The following TGIF1 variants were observed in gnomAD, a reference collection of about 807,000 sequenced individuals.
The protein encoded by TGIF1 is TGFB induced factor homeobox 1, also known as homeobox protein TGIF1.
A neutral mutation model predicts 19.3 loss-of-function variants in TGIF1; 4 were observed. That is an observed-to-expected ratio of 0.21 (90% confidence interval 0.10 to 0.47). The LOEUF (loss-of-function observed/expected upper bound fraction) is 0.47. TGIF1 is among the 20% of genes least tolerant of loss of function. The pLI, the probability that TGIF1 is intolerant of heterozygous loss-of-function variation, is 0.98. For missense variants in TGIF1, 275 were observed against 341.4 expected (o/e 0.81, Z 1.53); for synonymous variants, 122 against 129.3 (o/e 0.94, Z 0.38).
intron 2 of TGIF1, among the ~76,000 whole-genome samples, chr18:3,433,353 C>T (rs1358528089): frequency 6.6e-6 from 1 of 152,216 alleles, no homozygotes; most frequent in Non-Finnish European, 1.5e-5. Context: ...GGATTACAGG[C>T]GTCAGCCACC....
rs540730069 is a variant in TGIF1, at chr18:3,451,921, A to G, written c.16+1416A>G. The G allele has an allele frequency of 1.3e-6, 2 of 1,533,480 alleles. No individual in the cohort carries two copies. Among genetic ancestry groups the G allele is most frequent in the Admixed American group, 4.1e-5 (2 of 49,038 alleles). 95.0% of individuals were successfully genotyped at this position (1,533,480 alleles called of 1,614,324 possible). Reference sequence around the variant, plus strand: ...TGGGAGGACTGACAGGTCTAGAGACACGCGCTGTCTGTTGTGGTGGGCCTC... The same window carrying G: ...TGGGAGGACTGACAGGTCTAGAGACGCGCGCTGTCTGTTGTGGTGGGCCTC... On this transcript the variant is annotated intron_variant, in intron 1 of 2. Transcript: ENST00000343820. This position sits in a 1 kb window ranked among gnomAD's most constrained non-coding sequence, Gnocchi z 5.4.
upstream of TGIF1, chr18:3,448,380 G>A (rs1203326927): frequency 1.6e-5 from 16 of 1,006,890 alleles, no homozygotes; most frequent in Non-Finnish European, 1.9e-5. Context: ...GGCGGCGGGG[G>A]CGCTGGCCCC....
intron 2 of TGIF1, among the ~76,000 whole-genome samples, chr18:3,421,540 G>A (rs1394598903): frequency 6.6e-6 from 1 of 151,588 alleles, no homozygotes; most frequent in African/African-American, 2.4e-5. Context: ...AGCCTCCTGA[G>A]TAGCTGGGAT....
chr18:3,454,731 CTT>C (rs1176043655), intron 1 of TGIF1, among the ~76,000 whole-genome samples: 9 of 152,248 alleles, frequency 5.9e-5, no homozygotes, highest in Middle Eastern at 3.4e-3. Flanking sequence ...GCAGTTAAAA[CTT>C]AGGATTCTTG....
intron 2 of TGIF1, among the ~76,000 whole-genome samples, chr18:3,428,070 C>CATTT (rs1455473772): frequency 1.3e-5 from 2 of 152,176 alleles, no homozygotes; most frequent in Non-Finnish European, 2.9e-5. Context: ...ACTGTGCTGA[C>CATTT]ATTTGCATTG....
intron 1 of TGIF1, among the ~76,000 whole-genome samples, chr18:3,416,210 G>A (rs2082329925): frequency 1.3e-5 from 2 of 152,298 alleles, no homozygotes. Context: ...AGGAAGCTTG[G>A]ACGTTAGGTA....
chr18:3,447,597 CA>C, upstream of TGIF1: 1 of 935,096 alleles, frequency 1.1e-6, no homozygotes. Flanking sequence ...AAACTCCAAA[CA>C]AGTTTGAGAT....
intron 2 of TGIF1, among the ~76,000 whole-genome samples, chr18:3,423,548 T>A (rs530503060): frequency 6.6e-6 from 1 of 151,832 alleles, no homozygotes; most frequent in Non-Finnish European, 1.5e-5. Flanking sequence ...GGGCTTGGTG[T>A]CGGGCGCCTG....
upstream of TGIF1, chr18:3,448,523 C>T: frequency 1.0e-6 from 1 of 989,158 alleles, no homozygotes. Context: ...GACCGCGCTC[C>T]CCCCGAGCCG....
chr18:3,448,207 G>T, upstream of TGIF1: 1 of 985,368 alleles, frequency 1.0e-6, no homozygotes, highest in Non-Finnish European at 1.2e-6. Context: ...TTCCAGACGA[G>T]GCTCCTGCCA....
At chr18:3,424,233 A>C (rs2082441257) in intron 2 of TGIF1, among the ~76,000 whole-genome samples, 2 of 151,166 alleles carry the variant, frequency 1.3e-5, no homozygotes, top group African/African-American at 4.9e-5. Flanking sequence ...TCAGCAAAGT[A>C]AGTTTTTTTT....
chr18:3,443,610 T>C (rs2082701668), intron 2 of TGIF1, among the ~76,000 whole-genome samples: 1 of 152,148 alleles, frequency 6.6e-6, no homozygotes, highest in Non-Finnish European at 1.5e-5. Context: ...GTAATTTCGT[T>C]CTGTTACCCA....
chr18:3,414,403 C>A (rs1405329015), intron 1 of TGIF1, among the ~76,000 whole-genome samples: 2 of 152,218 alleles, frequency 1.3e-5, no homozygotes, highest in Non-Finnish European at 2.9e-5. Context: ...ATGTTCCAGG[C>A]CACTCTAGCA....
rs2049379578 is a variant in TGIF1, at chr18:3,457,083, A to G, written c.244-282A>G. On this transcript the variant is annotated intron_variant, in intron 2 of 2. Coordinates refer to ENST00000343820, the MANE Select transcript of TGIF1 (RefSeq NM_003244.4). This position sits in a 1 kb window ranked among gnomAD's most constrained non-coding sequence, Gnocchi z 4.9. ...AAACCTCTCTCTCAAATCATTTTTAAGCATTTGAGATTGTATGTCTTTTTC... is the reference window on the plus strand; with the variant it reads ...AAACCTCTCTCTCAAATCATTTTTAGGCATTTGAGATTGTATGTCTTTTTC... 3.5e-6 allele frequency: 2 copies of G among 567,178 alleles called. No homozygotes were observed. The highest frequency in any genetic ancestry group is 1.9e-5 in the African/African-American group (1 of 53,494). The allele number at this position is 567,178 out of a possible 1,614,324, so 35.1% of individuals were successfully genotyped here.
chr18:3,416,765 C>G (rs1007337016), intron 1 of TGIF1, among the ~76,000 whole-genome samples: 2 of 151,936 alleles, frequency 1.3e-5, no homozygotes, highest in African/African-American at 4.8e-5. Flanking sequence ...ATCCCCATCT[C>G]TACTAAAAAT....
chr18:3,453,708 A>T (rs80173835), intron 1 of TGIF1: 34 of 587,734 alleles, frequency 5.8e-5, no homozygotes, highest in South Asian at 1.5e-4. Context: ...AAAAAAAAAA[A>T]GAACGTGCAG....
intron 2 of TGIF1, among the ~76,000 whole-genome samples, chr18:3,419,290 A>C (rs1046797486): frequency 2.0e-5 from 3 of 152,222 alleles, no homozygotes; most frequent in Non-Finnish European, 4.4e-5. Flanking sequence ...ATAAAAACTT[A>C]ACTTTCTGTA....
At chr18:3,452,436 C>T (rs1598901552) in intron 1 of TGIF1, 5 of 1,610,596 alleles carry the variant, frequency 3.1e-6, no homozygotes, top group East Asian at 2.2e-5. Flanking sequence ...TTGGGGGAGC[C>T]GAGGCTGCCG....
At chr18:3,440,122 G>T (rs2082663692) in intron 2 of TGIF1, among the ~76,000 whole-genome samples, 1 of 152,070 alleles carries the variant, frequency 6.6e-6, no homozygotes, top group Admixed American at 6.6e-5. Context: ...AGGCTGAGGA[G>T]AGCAGATCCC....
Sources: allele counts gnomAD v4.1 joint callset (sites outside exome capture counted in the v4.1 genomes callset), GRCh38; gene constraint gnomAD v4.1.1; non-coding constraint Gnocchi (gnomAD v3.1); transcripts MANE v1.5; gene names NCBI Gene and HGNC (gene_info 2026-07-23, HGNC 2026-07-21).